The following NSD1 variants were observed in gnomAD, a reference collection of about 807,000 sequenced individuals.
NSD1 encodes nuclear receptor binding SET domain protein 1.
Under a neutral mutation model 242.7 loss-of-function variants are expected in NSD1, and 26 were observed. The ratio of observed to expected loss-of-function variants is 0.11; its 90% CI spans 0.08 to 0.15. NSD1 has a LOEUF of 0.15. Among genes scored for constraint, NSD1 ranks in the 10% least tolerant of loss-of-function variants. NSD1 has a pLI of 1.00. For synonymous variants in NSD1, 1,106 were observed against 1,178.1 expected (o/e 0.94, Z 1.25); for missense variants, 2,495 against 3,272.8 (o/e 0.76, Z 5.80).
intron 12 of NSD1, 31 bp downstream of exon 12, chr5:177,251,884 A>G (rs754402673): frequency 8.9e-5 from 144 of 1,613,742 alleles, no homozygotes; most frequent in Non-Finnish European, 1.1e-4. Context: ...TCTTCCTCCA[A>G]AGAAAGTTTG....
intron 3 of NSD1, among the ~76,000 whole-genome samples, chr5:177,202,835 AT>A (rs546778759): frequency 1.5e-4 from 23 of 149,238 alleles, no homozygotes; most frequent in Admixed American, 2.7e-4. Flanking sequence ...TAAGGAGTTC[AT>A]TTTTTTTTTC....
chr5:177,257,973 CTTTTTTT>C (rs35034666), intron 13 of NSD1, among the ~76,000 whole-genome samples: 2 of 52,550 alleles, frequency 3.8e-5, no homozygotes, highest in Non-Finnish European at 6.4e-5. Flanking sequence ...CCCCCTGGGC[CTTTTTTT>C]TTTTTTTTTT....
At position 177,204,141 on chromosome 5, in the gene NSD1, G is replaced by A. The variant is rs769733603; in HGVS notation, c.1085G>A (p.Arg362Gln). 10 of 1,613,886 alleles carry A rather than the reference G, an allele frequency of 6.2e-6. No homozygotes were observed. The highest frequency in any genetic ancestry group is 8.5e-6 in the Non-Finnish European group (10 of 1,179,962). Residue 362 changes from arginine to glutamine, a missense_variant, in exon 4 of 23, where the codon CGG (arginine) becomes CAG (glutamine). By Grantham distance (43) the Arg-to-Gln change is conservative (BLOSUM62 1). Coordinates refer to ENST00000439151, the MANE Select transcript of NSD1 (RefSeq NM_022455.5). ...KMKVSNRRPY[R>Q]QYYVEAFGDP... is the part of the protein sequence containing the mutation. The stretch of plus-strand genomic sequence containing the variant: ...CTAGTTTCCAACCGGAGGCCCTATC[G>A]GCAGTACTACGTGGAGGCTTTTGGA...
At position 177,298,457 on chromosome 5, in the gene NSD1, C is replaced by T. The variant is rs1007002934; in HGVS notation, c.*2998C>T. 6 of 233,120 alleles carry T rather than the reference C, an allele frequency of 2.6e-5. No homozygotes were observed. Among genetic ancestry groups the T allele is most frequent in the African/African-American group, 1.3e-4 (6 of 45,334 alleles). The allele number at this position is 233,120 out of a possible 1,614,324, so 14.4% of individuals were successfully genotyped here. A position where few individuals can be genotyped will look rare whatever the true frequency, so the allele number is the denominator to read the frequency against. The stretch of plus-strand genomic sequence containing the variant: ...AAATGTTGAAATTTACATTCAAAGC[C>T]TCATTTGCTTATCTTGCTGGAGCCA... On this transcript the variant is annotated 3_prime_UTR_variant, in exon 23 of 23. Coordinates refer to ENST00000439151, the MANE Select transcript of NSD1 (RefSeq NM_022455.5).
chr5:177,235,849 G>A lies in NSD1; in HGVS notation c.3825G>A (p.Arg1275=), dbSNP rs772501077. The A allele has an allele frequency of 6.2e-7, 1 of 1,614,022 alleles. No individual in the cohort carries two copies. Among genetic ancestry groups the A allele is most frequent in the Non-Finnish European group, 8.5e-7 (1 of 1,179,938 alleles). ...PAVRSEKKRL[R]KPSKWLLEYT... Reference sequence around the variant, plus strand: ...TGCGGTCAGAGAAGAAACGCCTTAGGAAGCCAAGCAAGTGGCTTTTGGAAT... The same window carrying A: ...TGCGGTCAGAGAAGAAACGCCTTAGAAAGCCAAGCAAGTGGCTTTTGGAAT... The change falls in exon 6 of 23, where the codon AGG becomes AGA. Residue 1275 remains arginine, a synonymous_variant. Transcript: ENST00000439151.
chr5:177,264,992 TAAAC>T (rs1757303100), intron 14 of NSD1: 2 of 857,592 alleles, frequency 2.3e-6, no homozygotes, highest in African/African-American at 1.6e-5. Flanking sequence ...GGCATTGTTG[TAAAC>T]AAACAAGGGC....
intron 21 of NSD1, among the ~76,000 whole-genome samples, chr5:177,290,120 G>GCACA (rs1759699882): frequency 2.0e-5 from 3 of 150,566 alleles, no homozygotes; most frequent in Non-Finnish European, 4.4e-5. Flanking sequence ...GAGCCACTGT[G>GCACA]CCCGGCCCTT....
chr5:177,170,976 C>T, intron 2 of NSD1, among the ~76,000 whole-genome samples: 1 of 149,942 alleles, frequency 6.7e-6, no homozygotes. Flanking sequence ...ACATTTTTGT[C>T]ACTTCAAAAT....
rs1295380780 is a variant in NSD1, at chr5:177,147,985, T to C, written c.927+11955T>C. Reference sequence around the variant, plus strand: ...ACCTGTTGAAGGACATCTGGGGCAATGCTAGCTTTTGGTAATTAAGGTAAA... The same window carrying C: ...ACCTGTTGAAGGACATCTGGGGCAACGCTAGCTTTTGGTAATTAAGGTAAA... On this transcript the variant is annotated intron_variant, in intron 2 of 22. Transcript: ENST00000439151. 2.0e-5 allele frequency among the ~76,000 whole-genome samples: 3 copies of C among 152,140 alleles called. No homozygotes were observed. The East Asian group carries it at 5.8e-4, about 29-fold the overall frequency.
chr5:177,136,078 A>G lies in NSD1; in HGVS notation c.927+48A>G, dbSNP rs79928962. 36,371 of 1,451,320 alleles carry G rather than the reference A, an allele frequency of 0.025. 579 individuals carry two copies. Among genetic ancestry groups the G allele is most frequent in the Middle Eastern group, 0.034 (191 of 5,582 alleles). The allele number at this position is 1,451,320 out of a possible 1,614,324, so 89.9% of individuals were successfully genotyped here. A position where few individuals can be genotyped will look rare whatever the true frequency, so the allele number is the denominator to read the frequency against. Reference sequence around the variant, plus strand: ...TAAATATATACATATATGTATATATACAGGCCACTTAAAGGGAAACTTGTA... The same window carrying G: ...TAAATATATACATATATGTATATATGCAGGCCACTTAAAGGGAAACTTGTA... On this transcript the variant is annotated intron_variant, in intron 2 of 22. Transcript: ENST00000439151.
At chr5:177,181,427 G>GTTTTTTTTTTTTTTTTTTTTTTTT in intron 2 of NSD1, among the ~76,000 whole-genome samples, 1 of 117,334 alleles carries the variant, frequency 8.5e-6, no homozygotes, top group Non-Finnish European at 1.7e-5. Flanking sequence ...TTTTTTTTTG[G>GTTTTTTTTTTTTTTTTTTTTTTTT]TTTTTTTTTT....
chr5:177,291,390 C>T (rs1201079937), intron 21 of NSD1, among the ~76,000 whole-genome samples: 1 of 152,190 alleles, frequency 6.6e-6, no homozygotes, highest in African/African-American at 2.4e-5. Flanking sequence ...TGCGGTGGCT[C>T]ACGCCTGTAA....
At chr5:177,152,319 G>GTATGTA (rs1299439857) in intron 2 of NSD1, among the ~76,000 whole-genome samples, 8 of 128,128 alleles carry the variant, frequency 6.2e-5, no homozygotes, top group East Asian at 2.2e-4. Flanking sequence ...TTGTGTGTGT[G>GTATGTA]TGTATGTATG....
chr5:177,276,626 G>GC (rs1562288065), intron 17 of NSD1, among the ~76,000 whole-genome samples: 1 of 151,640 alleles, frequency 6.6e-6, no homozygotes, highest in African/African-American at 2.4e-5. Context: ...GCCAGGCCCA[G>GC]TTTTTTTTGC....
intron 2 of NSD1, among the ~76,000 whole-genome samples, chr5:177,178,056 G>C (rs560732051): frequency 2.6e-4 from 40 of 152,060 alleles, no homozygotes; most frequent in Admixed American, 4.6e-4. Flanking sequence ...TGCCACGCCT[G>C]GCTAATTTTT....
Position 177,280,753 on chromosome 5 carries a change from C to T in NSD1, c.5811C>T (p.Ser1937=). 1.2e-6 allele frequency: 2 copies of T among 1,614,220 alleles called. No homozygotes were observed. The highest frequency in any genetic ancestry group is 8.5e-7 in the Non-Finnish European group (1 of 1,180,044). The change falls in exon 18 of 23, where the codon TCC becomes TCT. Residue 1937 remains serine (S), a synonymous_variant. Transcript: ENST00000439151. The part of the protein sequence containing the change: ...AGGRCQNQCF[S]KRQYPEVEIF... ...GGCGCTGTCAAAACCAGTGCTTTTC[C>T]AAGCGCCAATATCCAGAGGTTGAAA...
rs1365157854 is a variant in NSD1, at chr5:177,212,003, G to A, written c.3604G>A (p.Glu1202Lys). The change falls in exon 5 of 23, where the codon GAG becomes AAG. Residue 1202 changes from glutamate to lysine, a missense_variant. Physicochemically the swap from Glu to Lys is moderately conservative, Grantham distance 56. This residue lies in a region of NSD1 where 426 missense variants were observed against 411.4 expected (regional missense o/e 1.04). Coordinates refer to ENST00000439151, the MANE Select transcript of NSD1 (RefSeq NM_022455.5). ...PSDPVQEGRD[E>K]FPEHRTPSAS... ...TGACCCTGTGCAGGAGGGGCGGGAT[G>A]AGTTTCCAGAGCATAGAACTCCTTC... is the stretch of plus-strand genomic sequence containing the variant. 3.1e-6 allele frequency: 5 copies of A among 1,613,848 alleles called. No individual in the cohort carries two copies. In the East Asian group the frequency reaches 1.1e-4, roughly 36 times the overall value.
rs58879575 is a variant in NSD1 at position 177,139,941 on chromosome 5, C to CAA, written c.927+3925_927+3926dup. On this transcript the variant is annotated intron_variant, in intron 2 of 22. Transcript: ENST00000439151. ...CCTAGGCAACAGAGCAAGATCCTGTCAAAAAAAAAAAAAAAGGAGAAAATT... is the reference window on the plus strand; with the variant it reads ...CCTAGGCAACAGAGCAAGATCCTGTCAAAAAAAAAAAAAAAAAGGAGAAAATT... Among the ~76,000 whole-genome samples, 31 of 95,546 alleles carry CAA rather than the reference C, an allele frequency of 3.2e-4. 1 individual carries two copies. Among genetic ancestry groups the CAA allele is most frequent in the Middle Eastern group, 0.011 (2 of 190 alleles). 62.7% of individuals were successfully genotyped at this position (95,546 alleles called of 152,430 possible). A position where few individuals can be genotyped will look rare whatever the true frequency, so the allele number is the denominator to read the frequency against.
rs1760244138 is a variant in NSD1, at chr5:177,296,172, G to A, written c.*713G>A. The A allele has an allele frequency of 4.2e-6, 1 of 238,846 alleles. No homozygotes were observed. Among genetic ancestry groups the A allele is most frequent in the Non-Finnish European group, 8.2e-6 (1 of 121,482 alleles). 14.8% of individuals were successfully genotyped at this position (238,846 alleles called of 1,614,324 possible). ...AGGTCTCCTCTATAGATGCAAGGGT[G>A]CTGCATTGAGGCCAGCAAGGCTGTT... is the stretch of plus-strand genomic sequence containing the variant. On this transcript the variant is annotated 3_prime_UTR_variant, in exon 23 of 23. Transcript: ENST00000439151.
Sources: allele counts gnomAD v4.1 joint callset (sites outside exome capture counted in the v4.1 genomes callset), GRCh38; gene constraint gnomAD v4.1.1; regional missense constraint gnomAD v4.1.1; transcripts MANE v1.5; gene names NCBI Gene and HGNC (gene_info 2026-07-23, HGNC 2026-07-21).